Variants in STXBP4 observed in about 807,000 individuals in gnomAD.
STXBP4 encodes syntaxin-binding protein 4.
STXBP4 carries 55 observed loss-of-function variants against 76.1 expected under a neutral mutation model. That is an observed-to-expected ratio of 0.72 (90% CI 0.58 to 0.91). STXBP4 has a LOEUF of 0.91. Among genes scored for constraint, STXBP4 ranks in the 40% least tolerant of loss-of-function variants. The probability of loss-of-function intolerance (pLI) is 0.00; values close to 1 mark genes in which losing one functional copy is unlikely to be tolerated. For missense variants in STXBP4, 618 were observed against 636.9 expected (o/e 0.97, Z 0.32); for synonymous variants, 201 against 220.2 (o/e 0.91, Z 0.77).
At chr17:55,209,108 C>A in the STXBP4 span, among the ~76,000 whole-genome samples, 1 of 151,788 alleles carries the variant, frequency 6.6e-6, no homozygotes, top group African/African-American at 2.4e-5. Flanking sequence ...AAATTTAAGT[C>A]TTACATTATA....
At chr17:55,105,445 CT>C (rs2079620552) in intron 16 of STXBP4, among the ~76,000 whole-genome samples, 1 of 149,722 alleles carries the variant, frequency 6.7e-6, no homozygotes, top group Non-Finnish European at 1.5e-5. Flanking sequence ...AAGTGAATTT[CT>C]TAATCCTGAG....
chr17:55,172,008 T>G lies in STXBP4; in HGVS notation c.*12097T>G, dbSNP rs2080409172. On this transcript the variant is annotated 3_prime_UTR_variant, in exon 18 of 18. Coordinates refer to ENST00000376352, the MANE Select transcript of STXBP4 (RefSeq NM_178509.6). ...CATTACCCTGAGTGACTGGTCCCAC[T>G]GTTGGTCATTCTTTGTAGATGTGAG... 6.6e-6 allele frequency: 1 copy of G among 152,262 alleles called. No homozygotes were observed. Among genetic ancestry groups the G allele is most frequent in the Admixed American group, 6.5e-5 (1 of 15,290 alleles). The allele number at this position is 152,262 out of a possible 1,614,324, so 9.4% of individuals were successfully genotyped here. A position where few individuals can be genotyped will look rare whatever the true frequency, so the allele number is the denominator to read the frequency against.
the STXBP4 span, among the ~76,000 whole-genome samples, chr17:55,192,873 A>C: frequency 1.3e-5 from 2 of 152,196 alleles, no homozygotes; most frequent in African/African-American, 4.8e-5. Context: ...GCTGACCCAG[A>C]GGAGCCTCTC....
chr17:55,094,016 C>T (rs1567758711), intron 16 of STXBP4, among the ~76,000 whole-genome samples: 1 of 151,952 alleles, frequency 6.6e-6, no homozygotes, highest in Admixed American at 6.6e-5. Flanking sequence ...AGTGGAGATG[C>T]TACATTAGAT....
downstream of STXBP4, among the ~76,000 whole-genome samples, chr17:55,176,070 G>A (rs901518527): frequency 1.1e-4 from 16 of 152,196 alleles, no homozygotes; most frequent in African/African-American, 3.9e-4. Context: ...ATGAGTATGG[G>A]TGAGTAAACA....
chr17:55,118,686 T>G (rs2079810036), intron 16 of STXBP4, among the ~76,000 whole-genome samples: 1 of 151,790 alleles, frequency 6.6e-6, no homozygotes, highest in East Asian at 1.9e-4. Context: ...GACTTAACAC[T>G]AGGAACCTTT....
At chr17:54,999,588 T>A in intron 5 of STXBP4, 44 bp from the exon 6 acceptor site, 4 of 1,548,094 alleles carry the variant, frequency 2.6e-6, no homozygotes, top group Non-Finnish European at 3.5e-6. Context: ...TCAGTTGTAC[T>A]ATATTCATAG....
chr17:55,144,255 C>T (rs544615302), intron 17 of STXBP4, among the ~76,000 whole-genome samples: 2 of 152,156 alleles, frequency 1.3e-5, no homozygotes, highest in African/African-American at 4.8e-5. Flanking sequence ...TAACAATATG[C>T]CATTACTTCT....
intron 10 of STXBP4, among the ~76,000 whole-genome samples, chr17:55,041,384 TTTTG>T (rs2078697283): frequency 6.6e-6 from 1 of 152,022 alleles, no homozygotes; most frequent in Admixed American, 6.6e-5. Context: ...GTCTGGCTAA[TTTTG>T]TTTATTTTTT....
intron 4 of STXBP4, among the ~76,000 whole-genome samples, chr17:54,994,461 CA>C (rs1309579533): frequency 2.0e-5 from 3 of 152,298 alleles, no homozygotes; most frequent in African/African-American, 7.2e-5. Flanking sequence ...TACACAAAGT[CA>C]GAAAATTTAA....
chr17:55,169,598 C>T lies in STXBP4; in HGVS notation c.*9687C>T, dbSNP rs894203112. On this transcript the variant is annotated 3_prime_UTR_variant, in exon 18 of 18. Transcript: ENST00000376352. ...ACGCTTAGATGTGAAAAATGTGTGT[C>T]TTAGAATCGATAAAATATGGTATAG... 6.6e-6 allele frequency: 1 copy of T among 152,188 alleles called. No homozygotes were observed. The highest frequency in any genetic ancestry group is 2.4e-5 in the African/African-American group (1 of 41,438). The allele number at this position is 152,188 out of a possible 1,614,324, so 9.4% of individuals were successfully genotyped here. A position where few individuals can be genotyped will look rare whatever the true frequency, so the allele number is the denominator to read the frequency against.
At chr17:55,208,081 C>CATA in the STXBP4 span, among the ~76,000 whole-genome samples, 4 of 150,530 alleles carry the variant, frequency 2.7e-5, no homozygotes, top group South Asian at 2.1e-4. Context: ...GCCTTATTAA[C>CATA]ATAATGTGTT....
intron 10 of STXBP4, among the ~76,000 whole-genome samples, chr17:55,040,313 TAAG>T (rs1316804419): frequency 6.6e-6 from 1 of 151,848 alleles, no homozygotes; most frequent in East Asian, 1.9e-4. Context: ...AGCCAGATAA[TAAG>T]AAGTGAAAGG....
At chr17:55,141,247 T>C in intron 16 of STXBP4, 63 bp from the exon 17 acceptor site, 1 of 1,350,686 alleles carries the variant, frequency 7.4e-7, no homozygotes, top group Non-Finnish European at 1.0e-6. Flanking sequence ...GAGGTTTGTG[T>C]CCAGGAAATA....
chr17:55,072,279 TTAAG>T (rs1276045042), intron 12 of STXBP4, among the ~76,000 whole-genome samples: 4 of 152,160 alleles, frequency 2.6e-5, no homozygotes, highest in African/African-American at 9.7e-5. Context: ...GTTTTAAAGA[TTAAG>T]TGAGAAAAGA....
In STXBP4 at chr17:55,047,097, A is replaced by T; in HGVS notation, c.954A>T (p.Leu318Phe). The change falls in exon 12 of 18, where the codon TTA (leucine) becomes TTT (phenylalanine). Residue 318 changes from leucine to phenylalanine, a missense_variant. By Grantham distance (22) the Leu-to-Phe change is conservative (BLOSUM62 0). Coordinates refer to ENST00000376352, the MANE Select transcript of STXBP4 (RefSeq NM_178509.6). ...LKEVNTLKEKLLESDKQRKQL... is the reference protein window; with the variant it reads ...LKEVNTLKEKFLESDKQRKQL... ...GTGGTTTTTAAATATAGGAAAAATT[A>T]TTGGAATCAGATAAGCAAAGGAAAC... is the stretch of plus-strand genomic sequence containing the variant. The T allele has an allele frequency of 1.2e-6, 2 of 1,602,744 alleles. No individual in the cohort carries two copies. Among genetic ancestry groups the T allele is most frequent in the Non-Finnish European group, 1.7e-6 (2 of 1,171,442 alleles).
intron 16 of STXBP4, among the ~76,000 whole-genome samples, chr17:55,094,696 A>C: frequency 6.6e-6 from 1 of 152,182 alleles, no homozygotes; most frequent in Non-Finnish European, 1.5e-5. Context: ...CCTTCTCTGC[A>C]CTAATCAACT....
chr17:55,149,936 C>A (rs1204869621), intron 17 of STXBP4, among the ~76,000 whole-genome samples: 1 of 152,182 alleles, frequency 6.6e-6, no homozygotes, highest in Admixed American at 6.5e-5. Context: ...TTTTCCCCCT[C>A]ATTTAACCAA....
the STXBP4 span, among the ~76,000 whole-genome samples, chr17:55,211,238 T>C: frequency 9.2e-5 from 14 of 152,054 alleles, no homozygotes; most frequent in African/African-American, 3.1e-4. Context: ...TTTATTATTA[T>C]TTATTTATTT....
Sources: gnomAD v4.1 joint callset for allele counts (sites outside exome capture counted in the v4.1 genomes callset) on GRCh38, gnomAD v4.1.1 for gene constraint, MANE v1.5 for transcripts, NCBI Gene and HGNC (gene_info 2026-07-23, HGNC 2026-07-21) for gene names.